The following MCTS1 variants were observed in gnomAD, a reference collection of about 807,000 sequenced individuals.
MCTS1 encodes MCTS1 re-initiation and release factor.
For missense variants in MCTS1, 55 were observed against 128.6 expected (o/e 0.43, Z 2.77); for synonymous variants, 26 against 40.8 (o/e 0.64, Z 1.38).
In MCTS1 at chrX:120,613,370, A is replaced by G. The variant is rs1475510870; in HGVS notation, c.*1106A>G. 1.8e-5 allele frequency among the ~76,000 whole-genome samples: 2 copies of G among 111,876 alleles called. No individual in the cohort carries two copies. The highest frequency in any genetic ancestry group is 3.8e-5 in the Non-Finnish European group (2 of 53,197). On this transcript the variant is annotated 3_prime_UTR_variant, in exon 6 of 6. Transcript: ENST00000371317. The stretch of plus-strand genomic sequence containing the variant: ...TAGTGTGTATCTTTAAAAATTAGAA[A>G]AACCCCACAATACCATTATCACACC...
At chrX:120,604,737 C>A in intron 1 of MCTS1, 1 of 1,047,682 alleles carries the variant, frequency 9.5e-7, no homozygotes, top group Non-Finnish European at 1.2e-6. Flanking sequence ...TTAACCTTGC[C>A]TTGAAAATAA....
chrX:120,612,638 G>A lies in MCTS1; in HGVS notation c.*374G>A, dbSNP rs1213511064. On this transcript the variant is annotated 3_prime_UTR_variant, in exon 6 of 6. Transcript: ENST00000371317. The stretch of plus-strand genomic sequence containing the variant: ...TAGGAATTTTATTCTATTACTCCAG[G>A]GGACCCAGCAGTGCTCATTCTCGTG... Among the ~76,000 whole-genome samples, 1 of 107,343 alleles carries A rather than the reference G, an allele frequency of 9.3e-6. No individual in the cohort carries two copies. The highest frequency in any genetic ancestry group is 1.9e-5 in the Non-Finnish European group (1 of 52,081). 93.2% of individuals were successfully genotyped at this position (107,343 alleles called of 115,157 possible). A position where few individuals can be genotyped will look rare whatever the true frequency, so the allele number is the denominator to read the frequency against.
At chrX:120,604,647 G>T (rs1926484520) in intron 1 of MCTS1, 1 of 1,023,818 alleles carries the variant, frequency 9.8e-7, no homozygotes, top group African/African-American at 1.9e-5. Flanking sequence ...AGGAAGGCTT[G>T]ACTTCCTGGG....
At chrX:120,604,374 T>G in intron 1 of MCTS1, 127 bp downstream of exon 1, 1 of 883,569 alleles carries the variant, frequency 1.1e-6, no homozygotes, top group African/African-American at 2.0e-5. Flanking sequence ...CCTAAGGTTT[T>G]CTATAGTACT....
chrX:120,604,134 A>G lies in MCTS1; in HGVS notation c.-103A>G. 6.0e-6 allele frequency: 6 copies of G among 1,002,456 alleles called. No homozygotes were observed. Among genetic ancestry groups the G allele is most frequent in the Non-Finnish European group, 8.4e-6 (6 of 717,521 alleles). 82.6% of individuals were successfully genotyped at this position (1,002,456 alleles called of 1,213,427 possible). On this transcript the variant is annotated 5_prime_UTR_variant, in exon 1 of 6. Coordinates refer to ENST00000371317, the MANE Select transcript of MCTS1 (RefSeq NM_014060.3). ...GATAACGACTACAGCTCCGACTGTC[A>G]GTGCCGGCCTTCCTCGTGTGAGGGG...
At position 120,604,150 on chromosome X, in the gene MCTS1, G is replaced by T; in HGVS notation, c.-87G>T. ...CCGACTGTCAGTGCCGGCCTTCCTC[G>T]TGTGAGGGGATCTGCCGGACCCCTG... is the stretch of plus-strand genomic sequence containing the variant. On this transcript the variant is annotated 5_prime_UTR_variant, in exon 1 of 6. Coordinates refer to ENST00000371317, the MANE Select transcript of MCTS1 (RefSeq NM_014060.3). The T allele has an allele frequency of 1.8e-6, 2 of 1,102,697 alleles. No individual in the cohort carries two copies. Among genetic ancestry groups the T allele is most frequent in the Admixed American group, 4.5e-5 (2 of 44,610 alleles). The allele number at this position is 1,102,697 out of a possible 1,213,427, so 90.9% of individuals were successfully genotyped here.
Position 120,615,961 on chromosome X carries a change from G to A in MCTS1, c.*3697G>A, listed in dbSNP as rs902889632. 3.6e-5 allele frequency among the ~76,000 whole-genome samples: 4 copies of A among 112,674 alleles called. No individual in the cohort carries two copies. The South Asian group carries it at 1.4e-3, about 41-fold the overall frequency. On this transcript the variant is annotated 3_prime_UTR_variant, in exon 6 of 6. Coordinates refer to ENST00000371317, the MANE Select transcript of MCTS1 (RefSeq NM_014060.3). ...ATGATATCCAGCCAGGTTCCCTGTC[G>A]TACCCAAATCAGTAACTGAAGATAC...
intron 5 of MCTS1, 35 bp from the exon 6 acceptor site, chrX:120,612,148 A>G: frequency 8.8e-6 from 9 of 1,023,059 alleles, no homozygotes; most frequent in Admixed American, 2.4e-5. Context: ...AAAAATGCAT[A>G]AAAGTATGTT....
chrX:120,604,936 T>TA lies in MCTS1; in HGVS notation c.12-463dup, dbSNP rs766673280. 7.0e-5 allele frequency: 75 copies of TA among 1,078,628 alleles called. No individual in the cohort carries two copies. The East Asian group carries it at 1.0e-3, about 14-fold the overall frequency. 88.9% of individuals were successfully genotyped at this position (1,078,628 alleles called of 1,213,427 possible). ...CTTAGAAATCATTATTATCATCACT[T>TA]AAAAAAAATCTCAGCAGATTACATA... On this transcript the variant is annotated intron_variant, in intron 1 of 5. Transcript: ENST00000371317.
rs771349636 is a variant in MCTS1 at position 120,618,581 on chromosome X, A to G, written c.*6317A>G. Among the ~76,000 whole-genome samples, 6 of 112,512 alleles carry G rather than the reference A, an allele frequency of 5.3e-5. No individual in the cohort carries two copies. Among genetic ancestry groups the G allele is most frequent in the Non-Finnish European group, 9.4e-5 (5 of 53,361 alleles). Reference sequence around the variant, plus strand: ...AGTTCAACTTGAAATATATTTGAATATGAAGTAGAAACAGCTTCATTTAAT... The same window carrying G: ...AGTTCAACTTGAAATATATTTGAATGTGAAGTAGAAACAGCTTCATTTAAT... On this transcript the variant is annotated 3_prime_UTR_variant, in exon 6 of 6. Coordinates refer to ENST00000371317, the MANE Select transcript of MCTS1 (RefSeq NM_014060.3).
chrX:120,612,687 A>G lies in MCTS1; in HGVS notation c.*423A>G, dbSNP rs7063223. Among the ~76,000 whole-genome samples, 394 of 93,630 alleles carry G rather than the reference A, an allele frequency of 4.2e-3. 2 individuals carry two copies. Among genetic ancestry groups the G allele is most frequent in the Middle Eastern group, 0.012 (2 of 172 alleles). 81.3% of individuals were successfully genotyped at this position (93,630 alleles called of 115,157 possible). A position where few individuals can be genotyped will look rare whatever the true frequency, so the allele number is the denominator to read the frequency against. ...TGTGTGTGTGTGTGTGTGTGTGTGT[A>G]TGTGTGTGTGTGTGTGTGTGTGTGT... is the stretch of plus-strand genomic sequence containing the variant. On this transcript the variant is annotated 3_prime_UTR_variant, in exon 6 of 6. Transcript: ENST00000371317.
Position 120,613,494 on chromosome X carries a change from C to T in MCTS1, c.*1230C>T, listed in dbSNP as rs1294580090. Among the ~76,000 whole-genome samples, 1 of 112,381 alleles carries T rather than the reference C, an allele frequency of 8.9e-6. No individual in the cohort carries two copies. Among genetic ancestry groups the T allele is most frequent in the Non-Finnish European group, 1.9e-5 (1 of 53,319 alleles). ...AAATAGGTACCACACAAGGTTCATA[C>T]ATTGCATTTGGTTGTTATTTATTGA... On this transcript the variant is annotated 3_prime_UTR_variant, in exon 6 of 6. Transcript: ENST00000371317.
chrX:120,606,168 T>C lies in MCTS1; in HGVS notation c.254T>C (p.Leu85Pro). ...CCTTTTTATCCAACCCTAAGATTAC[T>C]TCACAAATGTAAGGTTTTTTTATTT... ...EGPFYPTLRLLHKYPFILPHQ... is the reference protein window; with the variant it reads ...EGPFYPTLRLPHKYPFILPHQ... The change falls in exon 3 of 6, where the codon CTT becomes CCT. Residue 85 changes from leucine (L) to proline (P), a missense_variant. Physicochemically the swap from Leu to Pro is moderately conservative, Grantham distance 98. Coordinates refer to ENST00000371317, the MANE Select transcript of MCTS1 (RefSeq NM_014060.3). The C allele has an allele frequency of 9.0e-7, 1 of 1,111,497 alleles. No individual in the cohort carries two copies. Among genetic ancestry groups the C allele is most frequent in the Non-Finnish European group, 1.2e-6 (1 of 827,484 alleles). 91.6% of individuals were successfully genotyped at this position (1,111,497 alleles called of 1,213,427 possible).
rs966827945 is a variant in MCTS1 at position 120,617,673 on chromosome X, A to G, written c.*5409A>G. On this transcript the variant is annotated 3_prime_UTR_variant, in exon 6 of 6. Coordinates refer to ENST00000371317, the MANE Select transcript of MCTS1 (RefSeq NM_014060.3). ...CTTAAAGTTCATTGTAAGTGTTCTC[A>G]GAACTCTACCACCTAGAATTTAAAG... Among the ~76,000 whole-genome samples the G allele has an allele frequency of 8.9e-6, 1 of 112,207 alleles. No individual in the cohort carries two copies. Among genetic ancestry groups the G allele is most frequent in the Non-Finnish European group, 1.9e-5 (1 of 53,270 alleles).
Position 120,617,227 on chromosome X carries a change from C to T in MCTS1, c.*4963C>T, listed in dbSNP as rs1255906401. On this transcript the variant is annotated 3_prime_UTR_variant, in exon 6 of 6. Coordinates refer to ENST00000371317, the MANE Select transcript of MCTS1 (RefSeq NM_014060.3). ...TTGTTTTTGAGATGGAGTCTTGCTT[C>T]ATTGCCCAGGCTGGAGTGCAATGGC... Among the ~76,000 whole-genome samples, 4 of 112,116 alleles carry T rather than the reference C, an allele frequency of 3.6e-5. No homozygotes were observed. The East Asian group carries it at 1.1e-3, about 31-fold the overall frequency.
intron 5 of MCTS1, 27 bp downstream of exon 5, chrX:120,611,105 C>G: frequency 8.4e-7 from 1 of 1,189,627 alleles, no homozygotes; most frequent in Non-Finnish European, 1.1e-6. Flanking sequence ...GCCCCCTTAA[C>G]TTTTGATATA....
Position 120,605,404 on chromosome X carries a change from C to T in MCTS1, c.12-3C>T. ...TTCTTTTCTTGCAAAAATTACTTGG[C>T]AGATTTGATGAAAAAGAAAATGTGT... On this transcript the variant is annotated splice_polypyrimidine_tract_variant and splice_region_variant and intron_variant, in intron 1 of 5. Transcript: ENST00000371317. 8.6e-7 allele frequency: 1 copy of T among 1,159,423 alleles called. No individual in the cohort carries two copies. Among genetic ancestry groups the T allele is most frequent in the Non-Finnish European group, 1.1e-6 (1 of 875,666 alleles).
Position 120,613,073 on chromosome X carries a change from C to T in MCTS1, c.*809C>T, listed in dbSNP as rs144922622. 1.1e-3 allele frequency among the ~76,000 whole-genome samples: 124 copies of T among 109,401 alleles called. No homozygotes were observed. Among genetic ancestry groups the T allele is most frequent in the African/African-American group, 3.9e-3 (116 of 30,048 alleles). On this transcript the variant is annotated 3_prime_UTR_variant, in exon 6 of 6. Coordinates refer to ENST00000371317, the MANE Select transcript of MCTS1 (RefSeq NM_014060.3). ...TCCTGAGTAGCTGGGATTACAGGCACGTGCCACCATGCCCGGCTAATTTTG... is the reference window on the plus strand; with the variant it reads ...TCCTGAGTAGCTGGGATTACAGGCATGTGCCACCATGCCCGGCTAATTTTG...
In MCTS1 at chrX:120,607,477, T is replaced by A. The variant is rs187702626; in HGVS notation, c.263-748T>A. On this transcript the variant is annotated intron_variant, in intron 3 of 5. Coordinates refer to ENST00000371317, the MANE Select transcript of MCTS1 (RefSeq NM_014060.3). The stretch of plus-strand genomic sequence containing the variant: ...TCCTCATCCCCTTGTAGTTTTTTTT[T>A]AAATTAACAGGCTTTTATTTTTTAG... 5.3e-3 allele frequency among the ~76,000 whole-genome samples: 596 copies of A among 111,639 alleles called. 4 individuals are homozygous for A. The highest frequency in any genetic ancestry group is 0.018 in the African/African-American group (567 of 30,733).
Sources: allele counts gnomAD v4.1 joint callset (sites outside exome capture counted in the v4.1 genomes callset), GRCh38; gene constraint gnomAD v4.1.1; transcripts MANE v1.5; gene names NCBI Gene and HGNC (gene_info 2026-07-23, HGNC 2026-07-21).